LINGO2: variants seen among roughly 807,000 people sequenced by gnomAD.
LINGO2 encodes leucine rich repeat and Ig domain containing 2.
LINGO2 carries 14 observed loss-of-function variants against 30.6 expected under a neutral mutation model. That is an observed-to-expected ratio of 0.46 (90% confidence interval 0.30 to 0.72). LINGO2 has a LOEUF of 0.72. LINGO2 is among the 30% of genes least tolerant of loss of function. LINGO2 has a pLI of 0.07. For synonymous variants in LINGO2, 317 were observed against 288.5 expected, an observed-to-expected ratio of 1.10 and a Z score of -1.00; for missense variants, 729 against 751.7, an observed-to-expected ratio of 0.97 and a Z score of 0.35.
chr9:29,097,967 G>A, the LINGO2 span, among the ~76,000 whole-genome samples: 1 of 89,158 alleles, frequency 1.1e-5, no homozygotes, highest in African/African-American at 4.3e-5. Context: ...ATGACAATGT[G>A]CCTAAACCCA....
chr9:29,180,549 C>T, the LINGO2 span, among the ~76,000 whole-genome samples: 1 of 152,086 alleles, frequency 6.6e-6, no homozygotes, highest in Non-Finnish European at 1.5e-5. Flanking sequence ...TCTTAATCAC[C>T]CTACAGCATC....
intron 1 of LINGO2, among the ~76,000 whole-genome samples, chr9:28,517,795 C>A (rs899576517): frequency 2.0e-5 from 3 of 152,152 alleles, no homozygotes; most frequent in African/African-American, 7.2e-5. Flanking sequence ...GAAATGTTTA[C>A]TCTACCCAGA....
intron 1 of LINGO2, among the ~76,000 whole-genome samples, chr9:28,581,148 C>A (rs1196014220): frequency 6.6e-6 from 1 of 151,834 alleles, no homozygotes; most frequent in Non-Finnish European, 1.5e-5. Context: ...TTGTAATGAA[C>A]TTTAGATGTT....
chr9:28,870,099 C>T, the LINGO2 span, among the ~76,000 whole-genome samples: 1 of 151,650 alleles, frequency 6.6e-6, no homozygotes, highest in Non-Finnish European at 1.5e-5. Context: ...TTTATTTTCC[C>T]ATTTGTAGAC....
chr9:28,063,052 T>G (rs1825204785), intron 4 of LINGO2, among the ~76,000 whole-genome samples: 1 of 152,168 alleles, frequency 6.6e-6, no homozygotes, highest in Admixed American at 6.6e-5. Flanking sequence ...GTAACAACTT[T>G]GCTTTTACAG....
the LINGO2 span, among the ~76,000 whole-genome samples, chr9:28,990,148 G>C: frequency 6.6e-6 from 1 of 151,886 alleles, no homozygotes; most frequent in South Asian, 2.1e-4. Context: ...TCAAAGAAAG[G>C]GGTGACACTG....
At chr9:28,951,000 G>A in the LINGO2 span, among the ~76,000 whole-genome samples, 5 of 152,012 alleles carry the variant, frequency 3.3e-5, no homozygotes, top group African/African-American at 4.8e-5. Context: ...TATACTACAA[G>A]GCTACAGTAA....
At chr9:28,412,511 A>C (rs1200964763) in intron 2 of LINGO2, among the ~76,000 whole-genome samples, 1 of 152,136 alleles carries the variant, frequency 6.6e-6, no homozygotes, top group Non-Finnish European at 1.5e-5. Context: ...AGGATCTTAC[A>C]TGCAGAAAAC....
At chr9:29,209,847 A>T in the LINGO2 span, among the ~76,000 whole-genome samples, 8 of 152,146 alleles carry the variant, frequency 5.3e-5, no homozygotes, top group African/African-American at 1.7e-4. Flanking sequence ...TAAATTGAGA[A>T]AATGGATTTT....
At chr9:28,802,059 A>G in the LINGO2 span, among the ~76,000 whole-genome samples, 5 of 151,906 alleles carry the variant, frequency 3.3e-5, no homozygotes, top group South Asian at 1.0e-3. Context: ...GTAAATTTTA[A>G]AATATAATAG....
At chr9:28,069,208 A>C (rs117388091) in intron 4 of LINGO2, among the ~76,000 whole-genome samples, 1 of 152,258 alleles carries the variant, frequency 6.6e-6, no homozygotes, top group East Asian at 1.9e-4. Flanking sequence ...AAGAAAGAAA[A>C]AGAGAGATTA....
chr9:28,211,608 T>A (rs1266770996), intron 4 of LINGO2, among the ~76,000 whole-genome samples: 1 of 151,518 alleles, frequency 6.6e-6, no homozygotes, highest in Non-Finnish European at 1.5e-5. Flanking sequence ...AAAAGTTATA[T>A]CTTCTGCAAA....
intron 5 of LINGO2, among the ~76,000 whole-genome samples, chr9:27,999,769 C>T (rs542691656): frequency 1.9e-4 from 29 of 152,226 alleles, no homozygotes; most frequent in African/African-American, 6.0e-4. Flanking sequence ...TAGATGCTGA[C>T]TTCTAGGACT....
intron 1 of LINGO2, among the ~76,000 whole-genome samples, chr9:28,552,616 T>C (rs1399018758): frequency 6.6e-6 from 1 of 151,878 alleles, no homozygotes; most frequent in Non-Finnish European, 1.5e-5. Flanking sequence ...TAAAAGCATA[T>C]GTCTTTCCAT....
chr9:28,512,699 G>A (rs1407914644), intron 1 of LINGO2, among the ~76,000 whole-genome samples: 3 of 118,928 alleles, frequency 2.5e-5, no homozygotes, highest in Admixed American at 1.8e-4. Flanking sequence ...CTATCTCTCT[G>A]GGAATTTATT....
intron 1 of LINGO2, among the ~76,000 whole-genome samples, chr9:28,667,693 G>C (rs954880919): frequency 1.3e-5 from 2 of 152,130 alleles, no homozygotes; most frequent in Non-Finnish European, 2.9e-5. Flanking sequence ...GCAGTGAGCC[G>C]AGATTGTGCC....
chr9:28,636,921 C>T (rs1390972242), intron 1 of LINGO2, among the ~76,000 whole-genome samples: 2 of 152,080 alleles, frequency 1.3e-5, no homozygotes, highest in Non-Finnish European at 1.5e-5. Flanking sequence ...AATGGTATTC[C>T]TTAGGTTTTC....
At chr9:29,084,493 A>T in the LINGO2 span, among the ~76,000 whole-genome samples, 188 of 152,170 alleles carry the variant, frequency 1.2e-3, no homozygotes, top group African/African-American at 4.4e-3. Flanking sequence ...TGCAGGGGAT[A>T]ATGTAAAATA....
chr9:28,097,007 C>T (rs1826261864), intron 4 of LINGO2, among the ~76,000 whole-genome samples: 1 of 151,718 alleles, frequency 6.6e-6, no homozygotes, highest in Admixed American at 6.6e-5. Flanking sequence ...AATTGTTTTG[C>T]CTATCTTTAT....
Sources: gnomAD v4.1 joint callset for allele counts (sites outside exome capture counted in the v4.1 genomes callset) on GRCh38, gnomAD v4.1.1 for gene constraint, MANE v1.5 for transcripts, NCBI Gene and HGNC (gene_info 2026-07-23, HGNC 2026-07-21) for gene names.